PCBP2: variants seen among roughly 807,000 people sequenced by gnomAD.
The protein encoded by PCBP2 is poly(rC) binding protein 2.
Under a neutral mutation model 50.1 loss-of-function variants are expected in PCBP2, and 4 were observed. That is an observed-to-expected ratio of 0.08 (90% CI 0.04 to 0.18). The LOEUF (loss-of-function observed/expected upper bound fraction) is 0.18, where lower values mean the gene tolerates loss of function less well. Among genes scored for constraint, PCBP2 ranks in the 10% least tolerant of loss-of-function variants. The probability of loss-of-function intolerance (pLI) is 1.00; values close to 1 mark genes in which losing one functional copy is unlikely to be tolerated. For missense variants in PCBP2, 161 were observed against 474.3 expected, an observed-to-expected ratio of 0.34 and a Z score of 6.14; for synonymous variants, 179 against 168.0, an observed-to-expected ratio of 1.07 and a Z score of -0.51.
intron 1 of PCBP2, 115 bp from the exon 2 acceptor site, chr12:53,454,611 A>G (rs1940850801): frequency 3.3e-6 from 2 of 603,756 alleles, no homozygotes; most frequent in Admixed American, 2.7e-5. Flanking sequence ...TAAGTCTGAC[A>G]TACTGTCATT....
At chr12:53,453,453 G>A (rs1343488239) in intron 1 of PCBP2, among the ~76,000 whole-genome samples, 6 of 152,220 alleles carry the variant, frequency 3.9e-5, no homozygotes, top group Non-Finnish European at 4.4e-5. Context: ...GGGAAATGAT[G>A]TGCTTTGGGG....
At chr12:53,461,530 G>C (rs1378001453) in intron 7 of PCBP2, among the ~76,000 whole-genome samples, 2 of 152,168 alleles carry the variant, frequency 1.3e-5, no homozygotes, top group Non-Finnish European at 2.9e-5. Flanking sequence ...CACTTTGTAG[G>C]AGGGTATTCA....
At chr12:53,464,673 AAAC>A in intron 8 of PCBP2, 84 bp from the exon 9 acceptor site, 2 of 1,531,406 alleles carry the variant, frequency 1.3e-6, no homozygotes, top group Non-Finnish European at 8.7e-7. Context: ...GGAAAAAAAT[AAAC>A]AACTTTTTTT....
chr12:53,457,387 CAG>C lies in PCBP2; in HGVS notation c.243+1387_243+1388del, dbSNP rs538298040. ...TTTTTTATTTTTTTATTTTTTGAGA[CAG>C]GGTCTTGCTCTGTTACCGAGGCTGA... is the stretch of plus-strand genomic sequence containing the variant. On this transcript the variant is annotated intron_variant, in intron 5 of 14. Transcript: ENST00000546463. 3.6e-3 allele frequency among the ~76,000 whole-genome samples: 543 copies of C among 151,756 alleles called. 5 individuals are homozygous for C. The highest frequency in any genetic ancestry group is 0.013 in the African/African-American group (531 of 41,330).
chr12:53,468,694 T>G, intron 12 of PCBP2, 83 bp from the exon 13 acceptor site: 1 of 1,046,880 alleles, frequency 9.6e-7, no homozygotes, highest in Non-Finnish European at 1.5e-6. Flanking sequence ...TTCCAGTTTA[T>G]TTCCTTCTGT....
At position 53,454,763 on chromosome 12, in the gene PCBP2, G is replaced by C. The variant is rs771778167; in HGVS notation, c.-38G>C. The stretch of plus-strand genomic sequence containing the variant: ...ACCCCCAACCAGTGACCAAAGACTT[G>C]ACCACTCAAAGTCCAGCTCCCCAGA... On this transcript the variant is annotated 5_prime_UTR_variant, in exon 2 of 15. Coordinates refer to ENST00000546463, the MANE Select transcript of PCBP2 (RefSeq NM_031989.5). 28 of 1,589,862 alleles carry C rather than the reference G, an allele frequency of 1.8e-5. No individual in the cohort carries two copies. The highest frequency in any genetic ancestry group is 8.6e-7 in the Non-Finnish European group (1 of 1,158,088).
chr12:53,469,543 G>A (rs1942056352), intron 13 of PCBP2, among the ~76,000 whole-genome samples: 1 of 151,636 alleles, frequency 6.6e-6, no homozygotes, highest in Non-Finnish European at 1.5e-5. Context: ...TACCATGGAG[G>A]AACCCATCTC....
chr12:53,461,974 A>G (rs1488612182), intron 7 of PCBP2, among the ~76,000 whole-genome samples: 2 of 152,070 alleles, frequency 1.3e-5, no homozygotes, highest in African/African-American at 2.4e-5. Context: ...CTTCCAAAGT[A>G]CTGGTATTAC....
intron 14 of PCBP2, among the ~76,000 whole-genome samples, chr12:53,477,349 C>T (rs921579043): frequency 6.6e-6 from 1 of 152,066 alleles, no homozygotes; most frequent in South Asian, 2.1e-4. Flanking sequence ...GAAATTGGCA[C>T]GAATCTACCC....
intron 6 of PCBP2, chr12:53,459,822 A>G (rs1592645810): frequency 4.4e-6 from 2 of 452,022 alleles, no homozygotes; most frequent in East Asian, 7.0e-5. Context: ...TGGCGCAGTC[A>G]TGGCTCACTG....
intron 14 of PCBP2, among the ~76,000 whole-genome samples, chr12:53,476,724 G>T (rs550360728): frequency 1.3e-5 from 2 of 152,072 alleles, no homozygotes; most frequent in South Asian, 2.1e-4. Flanking sequence ...CTCCATCCCA[G>T]ATTGGGCCTG....
At chr12:53,473,723 C>T (rs557427900) in intron 14 of PCBP2, among the ~76,000 whole-genome samples, 6 of 151,302 alleles carry the variant, frequency 4.0e-5, no homozygotes, top group African/African-American at 1.5e-4. Context: ...AAAGCTTATT[C>T]TTTCTCAACT....
At chr12:53,475,311 A>C (rs1446030907) in intron 14 of PCBP2, 2 of 375,022 alleles carry the variant, frequency 5.3e-6, no homozygotes, top group East Asian at 1.5e-4. Flanking sequence ...TGAGCTTGTT[A>C]CCGTTTCCTT....
intron 10 of PCBP2, 109 bp downstream of exon 10, chr12:53,466,082 A>G (rs1941799615): frequency 1.1e-6 from 1 of 889,678 alleles, no homozygotes; most frequent in Non-Finnish European, 1.9e-6. Flanking sequence ...CAGCATTTGC[A>G]GTATTAAGTT....
intron 14 of PCBP2, chr12:53,475,440 A>G (rs1409302511): frequency 3.4e-6 from 1 of 294,604 alleles, no homozygotes; most frequent in African/African-American, 2.2e-5. Flanking sequence ...ATCTAGAGCC[A>G]CAGTTTTCTC....
At position 53,459,277 on chromosome 12, in the gene PCBP2, A is replaced by G; in HGVS notation, c.249A>G (p.Ile83Met). The G allele has an allele frequency of 6.2e-7, 1 of 1,606,918 alleles. No homozygotes were observed. Among genetic ancestry groups the G allele is most frequent in the Non-Finnish European group, 8.5e-7 (1 of 1,176,322 alleles). Residue 83 changes from isoleucine to methionine, a missense_variant, in exon 6 of 15, where the codon ATA becomes ATG. By Grantham distance (10) the Ile-to-Met change is conservative. Around this residue, in one of 7 missense-constraint regions of PCBP2, gnomAD observed 24 missense variants for 37.1 expected, o/e 0.65. Coordinates refer to ENST00000546463, the MANE Select transcript of PCBP2 (RefSeq NM_031989.5). ...GGTGTTCTTTCTTTCTGTAGGACATAAGCAGCTCTATGACCAATAGCACAG... is the reference window on the plus strand; with the variant it reads ...GGTGTTCTTTCTTTCTGTAGGACATGAGCAGCTCTATGACCAATAGCACAG... ...AMIIDKLEED[I>M]SSSMTNSTAA...
intron 14 of PCBP2, chr12:53,475,236 C>T (rs1202192563): frequency 4.5e-6 from 2 of 448,038 alleles, no homozygotes; most frequent in Non-Finnish European, 9.0e-6. Flanking sequence ...CTTGAGGCAC[C>T]TCCTCCAGTA....
intron 6 of PCBP2, 56 bp downstream of exon 6, chr12:53,459,459 C>T (rs781759259): frequency 6.6e-7 from 1 of 1,524,856 alleles, no homozygotes; most frequent in Non-Finnish European, 9.0e-7. Context: ...CAAATTGGCT[C>T]TTTGTATGGC....
intron 6 of PCBP2, chr12:53,460,086 T>C: frequency 4.2e-6 from 1 of 236,174 alleles, no homozygotes; most frequent in Non-Finnish European, 8.9e-6. Context: ...TTGACCAGAC[T>C]TATAAACAAC....
Sources: gnomAD v4.1 joint callset for allele counts (sites outside exome capture counted in the v4.1 genomes callset) on GRCh38, gnomAD v4.1.1 for gene constraint, gnomAD v4.1.1 regional missense constraint, MANE v1.5 for transcripts, NCBI Gene and HGNC (gene_info 2026-07-23, HGNC 2026-07-21) for gene names.